The following TET3 variants were observed in gnomAD, a reference collection of about 807,000 sequenced individuals.
TET3 encodes methylcytosine dioxygenase TET3.
In TET3, 19 loss-of-function variants were observed where a neutral mutation model predicts 141.4. That is an observed-to-expected ratio of 0.13 (90% CI 0.09 to 0.20). TET3 has a LOEUF of 0.20. Among genes scored for constraint, TET3 ranks in the 10% least tolerant of loss-of-function variants. TET3 has a pLI of 1.00. For synonymous variants in TET3, 1,043 were observed against 980.9 expected (o/e 1.06, Z -1.18); for missense variants, 1,874 against 2,356.9 (o/e 0.80, Z 4.24).
At position 73,984,945 on chromosome 2, in the gene TET3, C is replaced by T. The variant is rs866221746; in HGVS notation, c.-637C>T. Among the ~76,000 whole-genome samples, 6 of 147,136 alleles carry T rather than the reference C, an allele frequency of 4.1e-5. No individual in the cohort carries two copies. The highest frequency in any genetic ancestry group is 9.8e-5 in the African/African-American group (4 of 40,860). ...GACGCCTTCATTGCTGCTGCTGCTG[C>T]CGCCGCGGCCGCCGCTGCCTCTTCC... On this transcript the variant is annotated 5_prime_UTR_variant, in exon 1 of 12. Coordinates refer to ENST00000409262, the MANE Select transcript of TET3 (RefSeq NM_001287491.2). The surrounding 1 kb of genome is among the most constrained non-coding windows in gnomAD (Gnocchi z 5.6).
chr2:74,101,329 G>A lies in TET3; in HGVS notation c.4541G>A (p.Ser1514Asn), dbSNP rs184317102. The change falls in exon 12 of 12, where the codon AGC (serine) becomes AAC (asparagine). Residue 1514 changes from serine (S) to asparagine (N), a missense_variant. By Grantham distance (46) the Ser-to-Asn change is conservative. This residue lies in a region of TET3 where 602 missense variants were observed against 590.2 expected (regional missense o/e 1.02). Transcript: ENST00000409262. The surrounding 1 kb of genome is among the most constrained non-coding windows in gnomAD (Gnocchi z 8.5). ...GGACGGCTGCGAGGCAAACCGTGGAGCCCCTGCAAGTTTGGGAACAGCACC... is the reference window on the plus strand; with the variant it reads ...GGACGGCTGCGAGGCAAACCGTGGAACCCCTGCAAGTTTGGGAACAGCACC... ...SGGRLRGKPW[S>N]PCKFGNSTSA... is the part of the protein sequence containing the mutation. 1.2e-6 allele frequency: 2 copies of A among 1,613,796 alleles called. No individual in the cohort carries two copies. The highest frequency in any genetic ancestry group is 1.1e-5 in the South Asian group (1 of 91,056).
intron 10 of TET3, among the ~76,000 whole-genome samples, chr2:74,095,953 G>T (rs1338713996): frequency 6.6e-6 from 1 of 152,208 alleles, no homozygotes; most frequent in African/African-American, 2.4e-5. Flanking sequence ...CTGCCTGAGT[G>T]GGAAACATAT....
intron 4 of TET3, among the ~76,000 whole-genome samples, chr2:74,062,171 C>G (rs910514568): frequency 6.6e-6 from 1 of 152,228 alleles, no homozygotes; most frequent in Non-Finnish European, 1.5e-5. Context: ...GCAATCCCGG[C>G]ACCTCGGGAG....
At chr2:74,003,252 C>T (rs1684959829) in intron 3 of TET3, 86 bp downstream of exon 3, 8 of 1,516,054 alleles carry the variant, frequency 5.3e-6, no homozygotes, top group South Asian at 2.4e-5. Flanking sequence ...TAAAGGGTCT[C>T]CTCTGGTGAT....
upstream of TET3, among the ~76,000 whole-genome samples, chr2:73,984,694 G>A (rs1027104692): frequency 1.3e-5 from 2 of 151,724 alleles, no homozygotes; most frequent in African/African-American, 2.4e-5. The surrounding 1 kb of genome is among the most constrained non-coding windows in gnomAD (Gnocchi z 5.6). Flanking sequence ...GTGGGTGGGA[G>A]CCACTGCAGG....
intron 3 of TET3, among the ~76,000 whole-genome samples, chr2:74,005,367 A>G (rs1227716310): frequency 6.6e-6 from 1 of 152,044 alleles, no homozygotes; most frequent in Non-Finnish European, 1.5e-5. Context: ...GCTTGTTTTT[A>G]TTGTTCAGTT....
At chr2:73,983,688 C>CT (rs1683864735), upstream of TET3, among the ~76,000 whole-genome samples, 1 of 152,242 alleles carries the variant, frequency 6.6e-6, no homozygotes. Flanking sequence ...GCCGAATGCT[C>CT]TTTTTCCAGT....
the TET3 span, among the ~76,000 whole-genome samples, chr2:74,119,297 G>C: frequency 1.3e-5 from 2 of 150,244 alleles, no homozygotes; most frequent in Non-Finnish European, 2.9e-5. Flanking sequence ...AGGTTGCAGT[G>C]AGCCGAGATC....
rs1393572020 is a variant in TET3, at chr2:74,048,389, G to A, written c.2472G>A (p.Glu824=). 4 of 1,610,250 alleles carry A rather than the reference G, an allele frequency of 2.5e-6. No homozygotes were observed. The highest frequency in any genetic ancestry group is 2.7e-5 in the African/African-American group (2 of 74,716). ...LDTPAKRAQA[E]FPTCDCVEQI... ...CACCTGCCAAGAGAGCCCAGGCCGA[G>A]TTCCCCACCTGCGATTGCGTCGGTA... Residue 824 remains glutamate (E), a synonymous_variant, in exon 4 of 12, where the codon GAG becomes GAA. Coordinates refer to ENST00000409262, the MANE Select transcript of TET3 (RefSeq NM_001287491.2).
chr2:74,058,463 T>A (rs1284329960), intron 4 of TET3, among the ~76,000 whole-genome samples: 2 of 151,872 alleles, frequency 1.3e-5, no homozygotes, highest in African/African-American at 4.8e-5. Context: ...GAGGGAAATT[T>A]GACAAATAAC....
intron 3 of TET3, among the ~76,000 whole-genome samples, chr2:74,027,158 T>C (rs1686412050): frequency 6.6e-6 from 1 of 152,162 alleles, no homozygotes; most frequent in Admixed American, 6.6e-5. Context: ...TCTGTCCCTG[T>C]CTCCCAACCA....
Position 74,046,787 on chromosome 2 carries a change from C to T in TET3, c.870C>T (p.Ile290=). ...ACCTCGAGTGGCTGGAGGGGAAGAT[C>T]AAGTCTGTGGTCATGGAAGGAGGGG... The part of the protein sequence containing the change: ...PDYLEWLEGK[I]KSVVMEGGEE... Residue 290 remains isoleucine, a synonymous_variant, in exon 4 of 12, where the codon ATC becomes ATT. Transcript: ENST00000409262. The surrounding 1 kb of genome is among the most constrained non-coding windows in gnomAD (Gnocchi z 4.3). 2 of 1,613,456 alleles carry T rather than the reference C, an allele frequency of 1.2e-6. No homozygotes were observed. The highest frequency in any genetic ancestry group is 1.7e-6 in the Non-Finnish European group (2 of 1,179,872).
chr2:74,102,078 C>T lies in TET3; in HGVS notation c.5290C>T (p.Pro1764Ser). 6.6e-7 allele frequency: 1 copy of T among 1,509,546 alleles called. No homozygotes were observed. Among genetic ancestry groups the T allele is most frequent in the Non-Finnish European group, 8.8e-7 (1 of 1,130,558 alleles). The allele number at this position is 1,509,546 out of a possible 1,614,324, so 93.5% of individuals were successfully genotyped here. A position where few individuals can be genotyped will look rare whatever the true frequency, so the allele number is the denominator to read the frequency against. Reference sequence around the variant, plus strand: ...GCAGAAAGAGAAGAAGGGGGTCGTCCCCACCCGGCAGGCACTGGCTGTGCC... The same window carrying T: ...GCAGAAAGAGAAGAAGGGGGTCGTCTCCACCCGGCAGGCACTGGCTGTGCC... ...PQQKEKKGVVPTRQALAVPTD... is the reference protein window; with the variant it reads ...PQQKEKKGVVSTRQALAVPTD... Residue 1764 changes from proline (P) to serine (S), a missense_variant, in exon 12 of 12, where the codon CCC becomes TCC. Pro to Ser is a moderately conservative substitution (Grantham distance 74). Around this residue, in one of 10 missense-constraint regions of TET3, gnomAD observed 113 missense variants for 114.3 expected, o/e 0.99. Coordinates refer to ENST00000409262, the MANE Select transcript of TET3 (RefSeq NM_001287491.2).
the TET3 span, chr2:74,134,720 AG>A: frequency 4.4e-6 from 2 of 456,476 alleles, no homozygotes; most frequent in Admixed American, 4.7e-5. Context: ...TGCTGAAAAC[AG>A]GGACAAGGAA....
intron 3 of TET3, among the ~76,000 whole-genome samples, chr2:74,006,249 A>G (rs1270273787): frequency 6.6e-6 from 1 of 152,252 alleles, no homozygotes; most frequent in Admixed American, 6.5e-5. Context: ...GAAGCAGGTG[A>G]GCATGTCAAA....
At chr2:73,993,041 C>T (rs1467930406) in intron 2 of TET3, among the ~76,000 whole-genome samples, 14 of 152,172 alleles carry the variant, frequency 9.2e-5, no homozygotes, top group Non-Finnish European at 5.9e-5. Context: ...AGTCTGTCAG[C>T]CATGTAGATC....
At position 74,101,456 on chromosome 2, in the gene TET3, G is replaced by A. The variant is rs1691209306; in HGVS notation, c.4668G>A (p.Leu1556=). ...LKGSPGFQDK[L]WNPMKGEEGR... is the part of the protein sequence containing the mutation. ...GTAGTCCTGGGTTCCAAGACAAGCT[G>A]TGGAACCCCATGAAAGGAGAGGAGG... The change falls in exon 12 of 12, where the codon CTG becomes CTA. Residue 1556 remains leucine, a synonymous_variant. Transcript: ENST00000409262. The surrounding 1 kb of genome is among the most constrained non-coding windows in gnomAD (Gnocchi z 8.5). 1.9e-6 allele frequency: 3 copies of A among 1,613,848 alleles called. No individual in the cohort carries two copies. The highest frequency in any genetic ancestry group is 2.5e-6 in the Non-Finnish European group (3 of 1,179,868).
intron 4 of TET3, among the ~76,000 whole-genome samples, chr2:74,054,650 G>A (rs1688119690): frequency 6.6e-6 from 1 of 152,160 alleles, no homozygotes; most frequent in Non-Finnish European, 1.5e-5. Context: ...ACCATTTAGG[G>A]GAGAGGAGCT....
In TET3 at chr2:73,986,492, T is replaced by C; in HGVS notation, c.89T>C (p.Phe30Ser). Residue 30 changes from phenylalanine (F) to serine (S), a missense_variant, in exon 2 of 12, where the codon TTC (phenylalanine) becomes TCC (serine). This residue lies in a region of TET3 where 366 missense variants were observed against 487.0 expected (regional missense o/e 0.75). Transcript: ENST00000409262. ...FPQRQVMVGS[F>S]PGSGLSMAGS... The stretch of plus-strand genomic sequence containing the variant: ...CAGCGCCAGGTGATGGTAGGGAGCT[T>C]CCCGGGGTCTGGGCTCTCCATGGCT... 1 of 1,232,150 alleles carries C rather than the reference T, an allele frequency of 8.1e-7. No homozygotes were observed. Among genetic ancestry groups the C allele is most frequent in the Non-Finnish European group, 1.0e-6 (1 of 988,024 alleles). The allele number at this position is 1,232,150 out of a possible 1,614,324, so 76.3% of individuals were successfully genotyped here.
Sources: gnomAD v4.1 joint callset for allele counts (sites outside exome capture counted in the v4.1 genomes callset) on GRCh38, gnomAD v4.1.1 for gene constraint, gnomAD v4.1.1 regional missense constraint, Gnocchi (gnomAD v3.1) non-coding constraint, MANE v1.5 for transcripts, NCBI Gene and HGNC (gene_info 2026-07-23, HGNC 2026-07-21) for gene names.